CHD6: variants seen among roughly 807,000 people sequenced by gnomAD.
CHD6 encodes the protein chromodomain helicase DNA binding protein 6.
A neutral mutation model predicts 276.9 loss-of-function variants in CHD6; 50 were observed. The observed-to-expected ratio is 0.18, with a 90% CI of 0.14 to 0.23. CHD6 has a LOEUF of 0.23. Among genes scored for constraint, CHD6 ranks in the 10% least tolerant of loss-of-function variants. The pLI, the probability that CHD6 is intolerant of heterozygous loss-of-function variation, is 1.00. For synonymous variants in CHD6, 1,173 were observed against 1,229.3 expected, an observed-to-expected ratio of 0.95 and a Z score of 0.96; for missense variants, 2,564 against 3,365.8, an observed-to-expected ratio of 0.76 and a Z score of 5.89.
intron 17 of CHD6, among the ~76,000 whole-genome samples, chr20:41,464,112 G>A (rs1025936360): frequency 1.3e-5 from 2 of 152,148 alleles, no homozygotes; most frequent in Admixed American, 1.3e-4. Context: ...CACTGGAGTT[G>A]CAAAATGAAA....
At chr20:41,468,357 G>A (rs1347595510) in intron 17 of CHD6, among the ~76,000 whole-genome samples, 3 of 151,992 alleles carry the variant, frequency 2.0e-5, no homozygotes, top group African/African-American at 7.2e-5. Context: ...TGATCTGCCC[G>A]CCTCGGCCTC....
At chr20:41,460,867 C>T (rs975894221) in intron 17 of CHD6, among the ~76,000 whole-genome samples, 1 of 152,170 alleles carries the variant, frequency 6.6e-6, no homozygotes, top group African/African-American at 2.4e-5. Context: ...TGTAGATCCA[C>T]TGACAGTTCG....
At chr20:41,582,748 A>G (rs2045554177) in intron 1 of CHD6, among the ~76,000 whole-genome samples, 1 of 152,266 alleles carries the variant, frequency 6.6e-6, no homozygotes, top group Non-Finnish European at 1.5e-5. Flanking sequence ...AGTAGACAAT[A>G]TGTATGAACA....
At position 41,455,983 on chromosome 20, in the gene CHD6, G is replaced by A; in HGVS notation, c.2830-4C>T. The stretch of plus-strand genomic sequence containing the variant: ...CCATTTTTGAGAGCTGCTGTACCTG[G>A]ACAGGTCACCAAAGGCTACTCACAA... On this transcript the variant is annotated splice_region_variant and splice_polypyrimidine_tract_variant and intron_variant, in intron 18 of 36. Coordinates refer to ENST00000373233, the MANE Select transcript of CHD6 (RefSeq NM_032221.5). The A allele has an allele frequency of 6.5e-7, 1 of 1,532,202 alleles. No individual in the cohort carries two copies. The highest frequency in any genetic ancestry group is 1.4e-5 in the African/African-American group (1 of 72,108). The allele number at this position is 1,532,202 out of a possible 1,614,324, so 94.9% of individuals were successfully genotyped here. A position where few individuals can be genotyped will look rare whatever the true frequency, so the allele number is the denominator to read the frequency against.
In CHD6 at chr20:41,405,348, C is replaced by A; in HGVS notation, c.7393G>T (p.Gly2465Trp). The change falls in exon 37 of 37, where the codon GGG becomes TGG. Residue 2465 changes from glycine (G) to tryptophan (W), a missense_variant. Transcript: ENST00000373233. ...ATCAGTCCATTCATGAACAGTGGCC[C>A]CATTCCAGAGGGAGAGTCTGCCACA... ...SIVADSPSGM[G>W]PLFMNGLIAG... 1 of 1,614,236 alleles carries A rather than the reference C, an allele frequency of 6.2e-7. No homozygotes were observed. Among genetic ancestry groups the A allele is most frequent in the Non-Finnish European group, 8.5e-7 (1 of 1,180,042 alleles).
At chr20:41,583,237 T>C (rs936220201) in intron 1 of CHD6, among the ~76,000 whole-genome samples, 3 of 152,064 alleles carry the variant, frequency 2.0e-5, no homozygotes, top group Non-Finnish European at 2.9e-5. Flanking sequence ...CACAGTTAAA[T>C]AGCTAAAAAT....
chr20:41,457,914 T>C (rs1252162277), intron 17 of CHD6, among the ~76,000 whole-genome samples: 2 of 152,216 alleles, frequency 1.3e-5, no homozygotes, highest in Non-Finnish European at 2.9e-5. Context: ...CCCAGATTGT[T>C]AGGAAGTAAA....
chr20:41,587,500 A>T (rs2146251741), intron 1 of CHD6, among the ~76,000 whole-genome samples: 1 of 152,308 alleles, frequency 6.6e-6, no homozygotes, highest in Middle Eastern at 3.4e-3. Context: ...CATGCTTTTC[A>T]TTGACAAAGG....
chr20:41,405,408 G>C lies in CHD6; in HGVS notation c.7333C>G (p.Arg2445Gly). The part of the protein sequence containing the change: ...RDTGPRRRGR[R>G]PRSELLKAPS... ...GCCTTCAGGAGTTCGCTCCGAGGCC[G>C]CCTCCCCCTCCTGCGGGGGCCCGTA... The change falls in exon 37 of 37, where the codon CGG becomes GGG. Residue 2445 changes from arginine (R) to glycine (G), a missense_variant. Physicochemically the swap from Arg to Gly is moderately radical, Grantham distance 125. This residue lies in a region of CHD6 where 1,024 missense variants were observed against 1,047.9 expected (regional missense o/e 0.98). Coordinates refer to ENST00000373233, the MANE Select transcript of CHD6 (RefSeq NM_032221.5). The C allele has an allele frequency of 6.2e-7, 1 of 1,613,058 alleles. No homozygotes were observed. Among genetic ancestry groups the C allele is most frequent in the Non-Finnish European group, 8.5e-7 (1 of 1,179,186 alleles).
At chr20:41,565,996 G>C (rs781247202) in intron 1 of CHD6, among the ~76,000 whole-genome samples, 1 of 152,112 alleles carries the variant, frequency 6.6e-6, no homozygotes, top group Non-Finnish European at 1.5e-5. Context: ...AGGAAGAGCT[G>C]GCTCCATGGA....
At chr20:41,565,056 C>G (rs1173119528) in intron 1 of CHD6, among the ~76,000 whole-genome samples, 12 of 150,334 alleles carry the variant, frequency 8.0e-5, no homozygotes, top group Non-Finnish European at 1.8e-4. Flanking sequence ...GCAAATAAAA[C>G]AGAAGAGAAG....
intron 31 of CHD6, among the ~76,000 whole-genome samples, chr20:41,420,006 T>TG (rs1244590282): frequency 3.3e-5 from 5 of 152,248 alleles, no homozygotes; most frequent in African/African-American, 1.2e-4. Context: ...CTAAATCAAA[T>TG]GCACTGACCT....
At chr20:41,440,949 T>C (rs970429431) in intron 25 of CHD6, among the ~76,000 whole-genome samples, 7 of 152,176 alleles carry the variant, frequency 4.6e-5, no homozygotes, top group East Asian at 1.9e-4. Flanking sequence ...TCTATTTTGG[T>C]TTTTGTTCTC....
chr20:41,589,986 A>C (rs2045639032), intron 1 of CHD6, among the ~76,000 whole-genome samples: 1 of 81,264 alleles, frequency 1.2e-5, no homozygotes, highest in African/African-American at 5.0e-5. Flanking sequence ...TACAGTAACC[A>C]AAACAGCATG....
chr20:41,421,003 A>AGTTTTCCTCCTC lies in CHD6; in HGVS notation c.5620_5631dup (p.Glu1874_Asn1877dup), dbSNP rs746509282. On this transcript the variant is annotated inframe_insertion, in exon 31 of 37. Transcript: ENST00000373233. Reference sequence around the variant, plus strand: ...TCCCCCATGCCTACTGCCATGGCTAAGTTTTCCTCCTCGTTTTCCTCCTCT... The same window carrying AGTTTTCCTCCTC: ...TCCCCCATGCCTACTGCCATGGCTAAGTTTTCCTCCTCGTTTTCCTCCTCGTTTTCCTCCTCT... The AGTTTTCCTCCTC allele has an allele frequency of 1.2e-6, 2 of 1,613,958 alleles. No individual in the cohort carries two copies. The highest frequency in any genetic ancestry group is 1.1e-5 in the South Asian group (1 of 91,046).
intron 1 of CHD6, among the ~76,000 whole-genome samples, chr20:41,577,767 A>G (rs1017343305): frequency 1.3e-5 from 2 of 152,248 alleles, no homozygotes; most frequent in Non-Finnish European, 2.9e-5. Context: ...TAGAGACACT[A>G]GACAATCCAT....
At chr20:41,451,676 C>A in intron 22 of CHD6, 150 bp downstream of exon 22, 1 of 697,730 alleles carries the variant, frequency 1.4e-6, no homozygotes, top group Non-Finnish European at 2.5e-6. Flanking sequence ...GAGGCAGAAA[C>A]GAAAGCAACA....
At position 41,403,988 on chromosome 20, in the gene CHD6, A is replaced by G. The variant is rs997894824; in HGVS notation, c.*605T>C. 3.8e-5 allele frequency: 40 copies of G among 1,053,460 alleles called. No individual in the cohort carries two copies. The highest frequency in any genetic ancestry group is 4.2e-4 in the Middle Eastern group (1 of 2,358). 65.3% of individuals were successfully genotyped at this position (1,053,460 alleles called of 1,614,324 possible). Reference sequence around the variant, plus strand: ...CTGAAAAACCACCAAGGGGGAAATTATATTACTACCGGTAAGGTTTTTGTT... The same window carrying G: ...CTGAAAAACCACCAAGGGGGAAATTGTATTACTACCGGTAAGGTTTTTGTT... On this transcript the variant is annotated 3_prime_UTR_variant, in exon 37 of 37. Transcript: ENST00000373233.
intron 3 of CHD6, among the ~76,000 whole-genome samples, chr20:41,529,429 C>G (rs2044625505): frequency 3.3e-5 from 5 of 152,098 alleles, no homozygotes; most frequent in Admixed American, 3.3e-4. Flanking sequence ...TGTGAATGAC[C>G]TTAGACAAGT....
Sources: allele counts gnomAD v4.1 joint callset (sites outside exome capture counted in the v4.1 genomes callset), GRCh38; gene constraint gnomAD v4.1.1; regional missense constraint gnomAD v4.1.1; transcripts MANE v1.5; gene names NCBI Gene and HGNC (gene_info 2026-07-23, HGNC 2026-07-21).